NAAA: variants seen among roughly 807,000 people sequenced by gnomAD.
The protein encoded by NAAA is N-acylethanolamine-hydrolyzing acid amidase.
In NAAA, 39 loss-of-function variants were observed where a neutral mutation model predicts 44.8. The observed-to-expected ratio is 0.87, with a 90% CI of 0.67 to 1.14. NAAA has a LOEUF of 1.14. Among genes scored for constraint, NAAA ranks in the 50% most tolerant of loss-of-function variants. NAAA has a pLI of 0.00. For missense variants in NAAA, 460 were observed against 467.8 expected (o/e 0.98, Z 0.15); for synonymous variants, 178 against 191.3 (o/e 0.93, Z 0.58).
downstream of NAAA, among the ~76,000 whole-genome samples, chr4:75,913,156 T>G (rs1018644558): frequency 6.6e-6 from 1 of 152,150 alleles, no homozygotes; most frequent in African/African-American, 2.4e-5. Flanking sequence ...GAGCACGAGA[T>G]AAATGCATCA....
In NAAA at chr4:75,940,934, G is replaced by T; in HGVS notation, c.16C>A (p.Arg6=). Residue 6 remains arginine (R), a synonymous_variant, in exon 1 of 11, where the codon CGG becomes AGG. Transcript: ENST00000286733. MRTAD[R]EARPGLPSLL... ...GACGGAAGCCCCGGGCGCGCCTCCC[G>T]GTCCGCGGTCCGCATGGCTCGGGCT... 1 of 1,497,504 alleles carries T rather than the reference G, an allele frequency of 6.7e-7. No homozygotes were observed. The highest frequency in any genetic ancestry group is 8.8e-7 in the Non-Finnish European group (1 of 1,132,034). The allele number at this position is 1,497,504 out of a possible 1,614,324, so 92.8% of individuals were successfully genotyped here.
At position 75,939,982 on chromosome 4, in the gene NAAA, G is replaced by C; in HGVS notation, c.371+19C>G. On this transcript the variant is annotated intron_variant, in intron 2 of 10. Coordinates refer to ENST00000286733, the MANE Select transcript of NAAA (RefSeq NM_014435.4). Reference sequence around the variant, plus strand: ...CCCCGCAAGCCCCGCGTTACTCCGCGCGGGCTTGGGGCACTCACACGGAGG... The same window carrying C: ...CCCCGCAAGCCCCGCGTTACTCCGCCCGGGCTTGGGGCACTCACACGGAGG... 1.9e-6 allele frequency: 3 copies of C among 1,610,898 alleles called. No individual in the cohort carries two copies. Among genetic ancestry groups the C allele is most frequent in the Non-Finnish European group, 2.5e-6 (3 of 1,177,850 alleles).
At chr4:75,913,405 GCAAAA>G, downstream of NAAA, among the ~76,000 whole-genome samples, 1 of 151,906 alleles carries the variant, frequency 6.6e-6, no homozygotes, top group Non-Finnish European at 1.5e-5. Context: ...CTTAGCCTTG[GCAAAA>G]TAACTCTCTC....
At chr4:75,938,704 C>T (rs1316139249) in intron 2 of NAAA, among the ~76,000 whole-genome samples, 4 of 152,178 alleles carry the variant, frequency 2.6e-5, no homozygotes, top group Non-Finnish European at 5.9e-5. Context: ...AGCTAGTCTG[C>T]TGGCAAAACA....
downstream of NAAA, among the ~76,000 whole-genome samples, chr4:75,912,502 C>T (rs1028766192): frequency 4.7e-5 from 7 of 148,048 alleles, no homozygotes; most frequent in Non-Finnish European, 1.0e-4. Flanking sequence ...TGCAGTGAGC[C>T]GAGATCGTGC....
chr4:75,934,482 AT>A (rs373578792), intron 3 of NAAA, among the ~76,000 whole-genome samples: 12,325 of 135,548 alleles, frequency 0.091, 1,240 homozygotes, highest in African/African-American at 0.27. Flanking sequence ...CGCCCAGCTA[AT>A]TTTTTTTTTT....
At chr4:75,919,824 C>A (rs1280600450) in intron 8 of NAAA, 85 bp downstream of exon 8, 1 of 1,308,920 alleles carries the variant, frequency 7.6e-7, no homozygotes. Context: ...TTTCATCTAC[C>A]AGAAGATTTC....
chr4:75,936,784 T>C (rs1260230159), intron 2 of NAAA, among the ~76,000 whole-genome samples: 1 of 152,096 alleles, frequency 6.6e-6, no homozygotes, highest in Non-Finnish European at 1.5e-5. Flanking sequence ...ACAGAGATCA[T>C]AATTTTAAAA....
intron 3 of NAAA, chr4:75,934,744 A>G (rs897613934): frequency 6.6e-6 from 1 of 152,188 alleles, no homozygotes; most frequent in African/African-American, 2.4e-5. Flanking sequence ...ATAGAAAAGC[A>G]ATACCCAAGT....
chr4:75,935,045 T>C (rs1201803913), intron 3 of NAAA: 1 of 152,220 alleles, frequency 6.6e-6, no homozygotes, highest in African/African-American at 2.4e-5. Context: ...TTTAGCAGAT[T>C]TCCTTTGAGA....
chr4:75,935,275 T>C (rs553706488), intron 3 of NAAA: 3 of 152,320 alleles, frequency 2.0e-5, no homozygotes, highest in African/African-American at 7.2e-5. Context: ...TATTTGTGAA[T>C]CAACCCCTAA....
chr4:75,930,359 G>A (rs1020276631), intron 4 of NAAA: 1 of 445,636 alleles, frequency 2.2e-6, no homozygotes, highest in South Asian at 1.7e-5. Flanking sequence ...GGACCCAGGA[G>A]AGCAATCTGA....
At chr4:75,920,078 T>G (rs560424626) in intron 7 of NAAA, 103 bp from the exon 8 acceptor site, 3 of 1,037,178 alleles carry the variant, frequency 2.9e-6, no homozygotes, top group African/African-American at 3.2e-5. Context: ...TCTCATTATC[T>G]CCCTTTCTCC....
intron 9 of NAAA, among the ~76,000 whole-genome samples, chr4:75,918,067 A>C (rs896954957): frequency 1.3e-5 from 2 of 152,230 alleles, no homozygotes; most frequent in African/African-American, 4.8e-5. Context: ...TCACTGCCAG[A>C]ATATTTCAAA....
chr4:75,936,323 CAAAGTA>C (rs1371261143), intron 2 of NAAA, 88 bp from the exon 3 acceptor site: 1 of 1,475,028 alleles, frequency 6.8e-7, no homozygotes, highest in South Asian at 1.2e-5. Context: ...AACAAATCCT[CAAAGTA>C]AAAGTTTTTC....
At chr4:75,922,820 G>A (rs960501416) in intron 5 of NAAA, among the ~76,000 whole-genome samples, 2 of 152,152 alleles carry the variant, frequency 1.3e-5, no homozygotes. Flanking sequence ...ATATTTGTTT[G>A]CTTATGTTGC....
Position 75,938,061 on chromosome 4 carries a change from G to C in NAAA, c.372-1826C>G, listed in dbSNP as rs568901442. Among the ~76,000 whole-genome samples the C allele has an allele frequency of 6.4e-4, 97 of 152,334 alleles. 1 individual carries two copies. Among genetic ancestry groups the C allele is most frequent in the African/African-American group, 2.3e-3 (95 of 41,576 alleles). ...TGCTTTTAGCACTCACCAGCCACCT[G>C]ACTTCCAGCAAGGTGGCCCCACTGA... On this transcript the variant is annotated intron_variant, in intron 2 of 10. Transcript: ENST00000286733.
chr4:75,913,710 A>C lies in NAAA; in HGVS notation c.*665T>G, dbSNP rs74552796. ...TTGCCAACATTTCTTTTGACATTTT[A>C]TTACTTAATTATGTGACATTAAGAA... On this transcript the variant is annotated 3_prime_UTR_variant, in exon 11 of 11. Coordinates refer to ENST00000286733, the MANE Select transcript of NAAA (RefSeq NM_014435.4). 25,915 of 982,294 alleles carry C rather than the reference A, an allele frequency of 0.026. 854 individuals are homozygous for C. The highest frequency in any genetic ancestry group is 0.14 in the African/African-American group (8,277 of 57,152). 60.8% of individuals were successfully genotyped at this position (982,294 alleles called of 1,614,324 possible). A position where few individuals can be genotyped will look rare whatever the true frequency, so the allele number is the denominator to read the frequency against.
Position 75,936,174 on chromosome 4 carries a change from C to T in NAAA, c.433G>A (p.Asp145Asn). 2 of 1,613,946 alleles carry T rather than the reference C, an allele frequency of 1.2e-6. No individual in the cohort carries two copies. Among genetic ancestry groups the T allele is most frequent in the African/African-American group, 2.7e-5 (2 of 75,002 alleles). ...RGHIYHGRNL[D>N]YPFGNVLRKL... ...CGTAAGACATTCCCAAAAGGATAAT[C>T]CAAATTCCGACCATGGTAAATGTGG... is the stretch of plus-strand genomic sequence containing the variant. Residue 145 changes from aspartate (D) to asparagine (N), a missense_variant, in exon 3 of 11, where the codon GAT becomes AAT. By Grantham distance (23) the Asp-to-Asn change is conservative. Coordinates refer to ENST00000286733, the MANE Select transcript of NAAA (RefSeq NM_014435.4).
Sources: gnomAD v4.1 joint callset for allele counts (sites outside exome capture counted in the v4.1 genomes callset) on GRCh38, gnomAD v4.1.1 for gene constraint, MANE v1.5 for transcripts, NCBI Gene and HGNC (gene_info 2026-07-23, HGNC 2026-07-21) for gene names.